Variants in PRPSAP2 observed in about 807,000 individuals in gnomAD.
PRPSAP2 encodes phosphoribosyl pyrophosphate synthetase associated protein 2, also known as phosphoribosyl pyrophosphate synthase-associated protein 2.
PRPSAP2 carries 24 observed loss-of-function variants against 40.6 expected under a neutral mutation model. The ratio of observed to expected loss-of-function variants is 0.59; its 90% CI spans 0.43 to 0.83. PRPSAP2 has a LOEUF of 0.83. Ranked by LOEUF, PRPSAP2 falls within the 40% of genes least tolerant of loss-of-function variation. PRPSAP2 has a pLI of 0.00. For missense variants in PRPSAP2, 292 were observed against 465.6 expected (o/e 0.63, Z 3.43); for synonymous variants, 149 against 164.7 (o/e 0.90, Z 0.73).
In PRPSAP2 at chr17:18,906,955, G is replaced by A. The variant is rs374357922; in HGVS notation, c.585-4148G>A. On this transcript the variant is annotated intron_variant, in intron 8 of 11. Transcript: ENST00000268835. ...GTGAAATTTCTAACAGCTCATAAGA[G>A]TCTACATACTAATAGTATTTAGTAC... 3.9e-4 allele frequency among the ~76,000 whole-genome samples: 59 copies of A among 151,994 alleles called. 1 individual carries two copies. Among genetic ancestry groups the A allele is most frequent in the African/African-American group, 1.3e-3 (55 of 41,480 alleles).
chr17:18,872,650 G>C lies in PRPSAP2; in HGVS notation c.239+1G>C, dbSNP rs1439416250. On this transcript the variant is annotated splice_donor_variant, in intron 5 of 11. Coordinates refer to ENST00000268835, the MANE Select transcript of PRPSAP2 (RefSeq NM_002767.4). LOFTEE classifies it high-confidence loss of function. The stretch of plus-strand genomic sequence containing the variant: ...TTTTCATCATCCAAACTGTTTCGAA[G>C]TGAGTATCCAGCAAAAGTGTTGCTT... 1 of 1,585,622 alleles carries C rather than the reference G, an allele frequency of 6.3e-7. No individual in the cohort carries two copies. Among genetic ancestry groups the C allele is most frequent in the Admixed American group, 1.7e-5 (1 of 59,824 alleles).
At chr17:18,896,580 C>CCTT (rs2039917496) in intron 8 of PRPSAP2, among the ~76,000 whole-genome samples, 1 of 104,758 alleles carries the variant, frequency 9.5e-6, no homozygotes, top group Non-Finnish European at 1.8e-5. Flanking sequence ...CCAGATTTTC[C>CCTT]TTTTTTTTTT....
chr17:18,892,409 CTT>C (rs1342992134), intron 8 of PRPSAP2, among the ~76,000 whole-genome samples: 2 of 152,006 alleles, frequency 1.3e-5, no homozygotes, highest in Non-Finnish European at 2.9e-5. Context: ...CTATCAGTCT[CTT>C]TTCCACTGCA....
At position 18,889,833 on chromosome 17, in the gene PRPSAP2, C is replaced by T. The variant is rs763435793; in HGVS notation, c.540C>T (p.Tyr180=). Residue 180 remains tyrosine (Y), a synonymous_variant, in exon 8 of 12, where the codon TAC becomes TAT. Transcript: ENST00000268835. ...CTTGTCTGTCACAGATCCCAGATTACAGGAATGCAGTAATCGTGGCCAAGT... is the reference window on the plus strand; with the variant it reads ...CTTGTCTGTCACAGATCCCAGATTATAGGAATGCAGTAATCGTGGCCAAGT... The part of the protein sequence containing the change: ...LQYIQEEIPD[Y]RNAVIVAKSP... 4 of 1,609,010 alleles carry T rather than the reference C, an allele frequency of 2.5e-6. No individual in the cohort carries two copies. Among genetic ancestry groups the T allele is most frequent in the Non-Finnish European group, 3.4e-6 (4 of 1,177,652 alleles).
rs1465368842 is a variant in PRPSAP2 at position 18,882,640 on chromosome 17, A to G, written c.485A>G (p.Asn162Ser). Reference sequence around the variant, plus strand: ...GGCTTCTTCAATATTCCTGTTGACAATTTAAGAGCATCTCCCTTCTTATTA... The same window carrying G: ...GGCTTCTTCAATATTCCTGTTGACAGTTTAAGAGCATCTCCCTTCTTATTA... The part of the protein sequence containing the change: ...IQGFFNIPVD[N>S]LRASPFLLQY... The change falls in exon 7 of 12, where the codon AAT becomes AGT. Residue 162 changes from asparagine to serine, a missense_variant. Around this residue, in one of 2 missense-constraint regions of PRPSAP2, gnomAD observed 241 missense variants for 425.7 expected, o/e 0.57. Transcript: ENST00000268835. The G allele has an allele frequency of 1.2e-6, 2 of 1,604,014 alleles. No individual in the cohort carries two copies. Among genetic ancestry groups the G allele is most frequent in the Non-Finnish European group, 1.7e-6 (2 of 1,170,924 alleles).
chr17:18,857,375 A>C (rs1003073863), upstream of PRPSAP2, among the ~76,000 whole-genome samples: 4 of 150,698 alleles, frequency 2.7e-5, no homozygotes, highest in Admixed American at 1.3e-4. Context: ...CTGATCATTT[A>C]TTATACACCC....
chr17:18,865,885 G>T lies in PRPSAP2; in HGVS notation c.52G>T (p.Gly18Cys). ...AGAAACCAAGATGAACATAACCAAA[G>T]GTGGTCTGGTGTTGTTTTCAGCAAA... ...ELETKMNITK[G>C]GLVLFSANSN... The change falls in exon 3 of 12, where the codon GGT becomes TGT. Residue 18 changes from glycine (G) to cysteine (C), a missense_variant. By Grantham distance (159) the Gly-to-Cys change is radical. Transcript: ENST00000268835. The T allele has an allele frequency of 6.5e-7, 1 of 1,546,334 alleles. No homozygotes were observed. The highest frequency in any genetic ancestry group is 8.8e-7 in the Non-Finnish European group (1 of 1,138,106).
intron 8 of PRPSAP2, among the ~76,000 whole-genome samples, chr17:18,893,082 A>G (rs970532240): frequency 6.6e-6 from 1 of 151,286 alleles, no homozygotes; most frequent in Non-Finnish European, 1.5e-5. Context: ...CTTTCTGCAG[A>G]TTGTCTTTTC....
At chr17:18,928,262 G>C (rs2042073123) in intron 10 of PRPSAP2, 1 of 164,286 alleles carries the variant, frequency 6.1e-6, no homozygotes, top group Admixed American at 5.7e-5. Flanking sequence ...CACTGAACTG[G>C]GTATTTTATT....
Position 18,867,285 on chromosome 17 carries a change from G to A in PRPSAP2, c.123G>A (p.Arg41=). The A allele has an allele frequency of 6.2e-7, 1 of 1,613,928 alleles. No homozygotes were observed. Among genetic ancestry groups the A allele is most frequent in the Non-Finnish European group, 8.5e-7 (1 of 1,179,944 alleles). Reference sequence around the variant, plus strand: ...TTTCCCCCTTTCTCTTCTCTAGGCGGCTAGGGGTGGAGATGGGCAAAGTGC... The same window carrying A: ...TTTCCCCCTTTCTCTTCTCTAGGCGACTAGGGGTGGAGATGGGCAAAGTGC... ...CMELSKKIAE[R]LGVEMGKVQV... Residue 41 remains arginine (R), a synonymous_variant, in exon 4 of 12, where the codon CGG becomes CGA. Transcript: ENST00000268835.
intron 10 of PRPSAP2, among the ~76,000 whole-genome samples, chr17:18,925,770 A>G (rs2041933223): frequency 6.6e-6 from 1 of 152,180 alleles, no homozygotes; most frequent in Non-Finnish European, 1.5e-5. Context: ...GGTGCCCCAC[A>G]TTATCCCCAG....
chr17:18,928,200 T>C (rs562368690), intron 10 of PRPSAP2: 1 of 158,056 alleles, frequency 6.3e-6, no homozygotes, highest in Non-Finnish European at 1.4e-5. Context: ...GATGCCATAA[T>C]GGGTTTAAAA....
At chr17:18,908,456 C>T (rs1265712749) in intron 8 of PRPSAP2, 2 of 759,202 alleles carry the variant, frequency 2.6e-6, no homozygotes, top group Non-Finnish European at 4.9e-6. Context: ...AGAGAAGGAT[C>T]TCCCAGAATG....
intron 8 of PRPSAP2, among the ~76,000 whole-genome samples, chr17:18,892,736 T>TATTG (rs2039643629): frequency 9.6e-6 from 1 of 104,700 alleles, no homozygotes; most frequent in Non-Finnish European, 2.1e-5. Flanking sequence ...TGTATTTATT[T>TATTG]ATTTATTTAT....
intron 11 of PRPSAP2, 89 bp downstream of exon 11, chr17:18,929,046 G>A (rs550128304): frequency 1.9e-4 from 283 of 1,512,890 alleles, no homozygotes; most frequent in Non-Finnish European, 2.4e-4. Context: ...ACAAGACTGA[G>A]ATCTTTTGTG....
intron 5 of PRPSAP2, among the ~76,000 whole-genome samples, chr17:18,873,368 G>A (rs1423931604): frequency 1.3e-5 from 2 of 151,760 alleles, no homozygotes; most frequent in Non-Finnish European, 2.9e-5. Flanking sequence ...CACCACGCCC[G>A]GTTAATTTTG....
chr17:18,916,188 C>T (rs1179426890), intron 9 of PRPSAP2, among the ~76,000 whole-genome samples: 2 of 151,994 alleles, frequency 1.3e-5, no homozygotes, highest in African/African-American at 4.8e-5. Context: ...ACCAGAGCTC[C>T]CCTTTACGGT....
intron 8 of PRPSAP2, among the ~76,000 whole-genome samples, chr17:18,897,976 CTG>C (rs982553229): frequency 7.1e-6 from 1 of 141,300 alleles, no homozygotes; most frequent in African/African-American, 2.6e-5. Context: ...CAGTATCAGG[CTG>C]TTAGAATTTT....
intron 8 of PRPSAP2, among the ~76,000 whole-genome samples, chr17:18,905,486 A>G (rs2040525713): frequency 6.6e-6 from 1 of 152,196 alleles, no homozygotes; most frequent in Non-Finnish European, 1.5e-5. Context: ...TGCAAAGCCA[A>G]TCTTGAATTT....
Sources: allele counts gnomAD v4.1 joint callset (sites outside exome capture counted in the v4.1 genomes callset), GRCh38; gene constraint gnomAD v4.1.1; regional missense constraint gnomAD v4.1.1; transcripts MANE v1.5; gene names NCBI Gene and HGNC (gene_info 2026-07-23, HGNC 2026-07-21).